Variants in TTC27 observed in about 807,000 individuals in gnomAD.
TTC27 encodes the protein tetratricopeptide repeat domain 27.
A neutral mutation model predicts 115.9 loss-of-function variants in TTC27; 79 were observed. That is an observed-to-expected ratio of 0.68 (90% CI 0.57 to 0.82). The LOEUF is 0.82. Ranked by LOEUF, TTC27 falls within the 40% of genes least tolerant of loss-of-function variation. The pLI is 0.00. For missense variants in TTC27, 1,054 were observed against 993.1 expected (o/e 1.06, Z -0.82); for synonymous variants, 401 against 356.0 (o/e 1.13, Z -1.42).
chr2:32,810,985 T>C (rs1558355971), intron 16 of TTC27, 39 bp from the exon 17 acceptor site: 1 of 1,599,968 alleles, frequency 6.3e-7, no homozygotes, highest in Non-Finnish European at 8.6e-7. Flanking sequence ...TATTGTTTGT[T>C]GGTTTCTAAC....
At chr2:32,775,299 G>A (rs1441866515) in intron 13 of TTC27, among the ~76,000 whole-genome samples, 6 of 152,162 alleles carry the variant, frequency 3.9e-5, no homozygotes, top group East Asian at 1.9e-4. Context: ...CTGGGTTCAC[G>A]CCATTCTCCT....
At chr2:32,642,719 G>A (rs976169276) in intron 4 of TTC27, among the ~76,000 whole-genome samples, 41 of 152,066 alleles carry the variant, frequency 2.7e-4, no homozygotes, top group African/African-American at 8.2e-4. Context: ...CCAGGCTGGA[G>A]TGCAGTGGCA....
In TTC27 at chr2:32,754,147, C is replaced by CT. The variant is rs200270813; in HGVS notation, c.1453-4130dup. Among the ~76,000 whole-genome samples, 2,307 of 143,158 alleles carry CT rather than the reference C, an allele frequency of 0.016. 149 individuals are homozygous for CT. The East Asian group carries it at 0.24, about 15-fold the overall frequency. The allele number at this position is 143,158 out of a possible 152,430, so 93.9% of individuals were successfully genotyped here. A position where few individuals can be genotyped will look rare whatever the true frequency, so the allele number is the denominator to read the frequency against. The stretch of plus-strand genomic sequence containing the variant: ...CTAATAAAACAATTCATTCTACATT[C>CT]TTTTTTTTTTTTTTTAATTGATCAT... On this transcript the variant is annotated intron_variant, in intron 12 of 19. Transcript: ENST00000317907.
At position 32,636,348 on chromosome 2, in the gene TTC27, G is replaced by A. The variant is rs143125248; in HGVS notation, c.396+2343G>A. Among the ~76,000 whole-genome samples the A allele has an allele frequency of 6.4e-3, 978 of 152,180 alleles. 8 individuals carry two copies. Among genetic ancestry groups the A allele is most frequent in the African/African-American group, 0.022 (921 of 41,508 alleles). On this transcript the variant is annotated intron_variant, in intron 3 of 19. Transcript: ENST00000317907. ...CCCACCTCAGCCTCCCAAGCAGCTG[G>A]GACTACAGGTGCTCACCACCACGCC...
chr2:32,656,573 C>G (rs559179421), intron 5 of TTC27, among the ~76,000 whole-genome samples: 1 of 152,260 alleles, frequency 6.6e-6, no homozygotes, highest in South Asian at 2.1e-4. Context: ...CACGAGGATG[C>G]TGGATTTTCA....
At chr2:32,652,217 A>G (rs1475763120) in intron 5 of TTC27, among the ~76,000 whole-genome samples, 1 of 152,110 alleles carries the variant, frequency 6.6e-6, no homozygotes, top group Non-Finnish European at 1.5e-5. Flanking sequence ...ACTAAAATAC[A>G]AAAATTAGCT....
At chr2:32,789,124 A>G (rs1225316262) in intron 16 of TTC27, among the ~76,000 whole-genome samples, 2 of 152,188 alleles carry the variant, frequency 1.3e-5, no homozygotes, top group African/African-American at 4.8e-5. Flanking sequence ...ATAACTATTC[A>G]AAGATTGTTT....
intron 16 of TTC27, among the ~76,000 whole-genome samples, chr2:32,793,178 T>A (rs1670592899): frequency 1.3e-5 from 2 of 152,134 alleles, no homozygotes; most frequent in Non-Finnish European, 2.9e-5. Flanking sequence ...ATACAAAGAA[T>A]CCTTAATAAG....
chr2:32,759,153 A>G (rs1669347391), intron 13 of TTC27, among the ~76,000 whole-genome samples: 1 of 152,196 alleles, frequency 6.6e-6, no homozygotes, highest in African/African-American at 2.4e-5. Context: ...ATGTTTTATT[A>G]TTAGAAATGG....
chr2:32,768,935 G>T (rs1252152866), intron 13 of TTC27, among the ~76,000 whole-genome samples: 1 of 152,214 alleles, frequency 6.6e-6, no homozygotes, highest in Non-Finnish European at 1.5e-5. Context: ...CCAGCAAGGT[G>T]ATGTGGTTTT....
chr2:32,795,725 G>A (rs539096397), intron 16 of TTC27, among the ~76,000 whole-genome samples: 2 of 138,696 alleles, frequency 1.4e-5, no homozygotes, highest in African/African-American at 5.4e-5. Context: ...GCTAATTTTT[G>A]TATTATTATT....
chr2:32,636,983 C>T (rs939791491), intron 3 of TTC27, among the ~76,000 whole-genome samples: 2 of 152,160 alleles, frequency 1.3e-5, no homozygotes, highest in Non-Finnish European at 1.5e-5. Flanking sequence ...AGTGAAAAAT[C>T]ACTTGATGGA....
At chr2:32,755,106 C>T (rs973027953) in intron 12 of TTC27, among the ~76,000 whole-genome samples, 36 of 151,830 alleles carry the variant, frequency 2.4e-4, no homozygotes, top group African/African-American at 3.4e-4. Context: ...GATGGGATGG[C>T]GGGCGGGCAG....
intron 10 of TTC27, among the ~76,000 whole-genome samples, chr2:32,718,047 G>A (rs529323205): frequency 3.9e-5 from 6 of 151,950 alleles, no homozygotes; most frequent in Non-Finnish European, 8.8e-5. Flanking sequence ...AGGCTGGAAG[G>A]GCTTAATAAA....
intron 12 of TTC27, among the ~76,000 whole-genome samples, chr2:32,754,925 C>G (rs1669163477): frequency 6.6e-6 from 1 of 151,510 alleles, no homozygotes. Flanking sequence ...GGCGGGGATG[C>G]TCCTCACTTC....
chr2:32,768,108 C>T (rs965623089), intron 13 of TTC27, among the ~76,000 whole-genome samples: 1 of 152,120 alleles, frequency 6.6e-6, no homozygotes, highest in African/African-American at 2.4e-5. Context: ...AATGTCTACT[C>T]AGAATAATTA....
At chr2:32,710,720 C>T (rs561470893) in intron 10 of TTC27, among the ~76,000 whole-genome samples, 13 of 152,088 alleles carry the variant, frequency 8.5e-5, no homozygotes, top group Admixed American at 5.2e-4. Context: ...TGAGCCACCA[C>T]GCCCAGCCTG....
intron 9 of TTC27, among the ~76,000 whole-genome samples, chr2:32,679,987 CACAAA>C (rs1052113695): frequency 6.6e-6 from 1 of 152,114 alleles, no homozygotes; most frequent in South Asian, 2.1e-4. Context: ...CCGCCTCAAA[CACAAA>C]ACAAAACAAA....
At chr2:32,696,820 G>A (rs77388782) in intron 9 of TTC27, among the ~76,000 whole-genome samples, 2,406 of 152,286 alleles carry the variant, frequency 0.016, 60 homozygotes, top group African/African-American at 0.056. Flanking sequence ...ATAGGATAAA[G>A]TATCTTCTAC....
Sources: gnomAD v4.1 joint callset for allele counts (sites outside exome capture counted in the v4.1 genomes callset) on GRCh38, gnomAD v4.1.1 for gene constraint, MANE v1.5 for transcripts, NCBI Gene and HGNC (gene_info 2026-07-23, HGNC 2026-07-21) for gene names.